Variants in MSRA observed in about 807,000 individuals in gnomAD.
MSRA encodes methionine sulfoxide reductase A.
Under a neutral mutation model 31.3 loss-of-function variants are expected in MSRA, and 54 were observed. The observed-to-expected ratio is 1.73, with a 90% CI of 1.39 to 2.17. The LOEUF (loss-of-function observed/expected upper bound fraction) is 2.17, where lower values mean the gene tolerates loss of function less well. MSRA is among the 30% of genes most tolerant of loss of function. MSRA has a pLI of 0.00. For synonymous variants in MSRA, 169 were observed against 116.5 expected (o/e 1.45, Z -2.90); for missense variants, 507 against 300.9 (o/e 1.69, Z -5.07).
intron 5 of MSRA, among the ~76,000 whole-genome samples, chr8:10,343,545 C>T (rs1285240207): frequency 3.9e-5 from 6 of 152,188 alleles, no homozygotes; most frequent in African/African-American, 1.4e-4. Context: ...TTGCAAACTG[C>T]GTTCCCCAAC....
intron 3 of MSRA, among the ~76,000 whole-genome samples, chr8:10,291,903 C>G (rs1216372394): frequency 2.6e-5 from 4 of 152,180 alleles, no homozygotes; most frequent in East Asian, 1.9e-4. Context: ...GACTCGGACT[C>G]TAGGCAGTTC....
intron 5 of MSRA, among the ~76,000 whole-genome samples, chr8:10,361,491 C>T (rs1267625659): frequency 6.6e-6 from 1 of 152,152 alleles, no homozygotes; most frequent in Admixed American, 6.5e-5. Flanking sequence ...TTGCATTCTC[C>T]CAGTACTATA....
At chr8:10,268,851 C>T (rs548172303) in intron 3 of MSRA, among the ~76,000 whole-genome samples, 4 of 152,370 alleles carry the variant, frequency 2.6e-5, no homozygotes, top group South Asian at 2.1e-4. Context: ...TCCTGTTATC[C>T]TCCTGGAATT....
intron 3 of MSRA, among the ~76,000 whole-genome samples, chr8:10,249,117 G>A (rs948385711): frequency 6.6e-6 from 1 of 152,108 alleles, no homozygotes; most frequent in Non-Finnish European, 1.5e-5. Context: ...TGATACCCTG[G>A]CACTTTTAAG....
chr8:10,380,210 C>G (rs908201386), intron 5 of MSRA, among the ~76,000 whole-genome samples: 1 of 152,232 alleles, frequency 6.6e-6, no homozygotes, highest in Non-Finnish European at 1.5e-5. Flanking sequence ...GCTGTTTCCT[C>G]TGCCTAAATG....
chr8:10,362,739 C>T (rs978982708), intron 5 of MSRA, among the ~76,000 whole-genome samples: 4 of 152,066 alleles, frequency 2.6e-5, no homozygotes, highest in Admixed American at 1.3e-4. Flanking sequence ...AAATCAAGCT[C>T]GAGCTGCCTG....
At chr8:10,295,311 C>T (rs1481509801) in intron 3 of MSRA, among the ~76,000 whole-genome samples, 1 of 152,110 alleles carries the variant, frequency 6.6e-6, no homozygotes, top group Non-Finnish European at 1.5e-5. Context: ...GCTGGGGGAC[C>T]GTCGCACTGC....
intron 1 of MSRA, among the ~76,000 whole-genome samples, chr8:10,148,141 A>G (rs1404431599): frequency 1.3e-5 from 2 of 152,204 alleles, no homozygotes; most frequent in Non-Finnish European, 2.9e-5. Flanking sequence ...GAAAGGAGAC[A>G]TCTTTTTAGA....
intron 5 of MSRA, among the ~76,000 whole-genome samples, chr8:10,341,639 A>T: frequency 1.3e-5 from 2 of 152,308 alleles, no homozygotes; most frequent in Admixed American, 1.3e-4. Context: ...GCATCAGACA[A>T]ACTTAGGTAC....
chr8:10,387,379 C>T (rs1438282386), intron 5 of MSRA, among the ~76,000 whole-genome samples: 3 of 152,150 alleles, frequency 2.0e-5, no homozygotes, highest in African/African-American at 4.8e-5. Flanking sequence ...CAGAAATCAA[C>T]AGGAGAAAAG....
chr8:10,219,468 G>C (rs747437265), intron 2 of MSRA, among the ~76,000 whole-genome samples: 1 of 151,918 alleles, frequency 6.6e-6, no homozygotes, highest in Non-Finnish European at 1.5e-5. Flanking sequence ...TTCTTTTTTG[G>C]AACAGTGTTG....
At chr8:10,112,651 T>C (rs531059409) in intron 1 of MSRA, among the ~76,000 whole-genome samples, 2 of 152,352 alleles carry the variant, frequency 1.3e-5, no homozygotes, top group South Asian at 2.1e-4. Context: ...GTAAAACTTA[T>C]ATTAGGGAAG....
chr8:10,346,975 T>G (rs1051148471), intron 5 of MSRA, among the ~76,000 whole-genome samples: 3 of 152,204 alleles, frequency 2.0e-5, no homozygotes, highest in African/African-American at 7.2e-5. Context: ...TTCCCCCAAC[T>G]GAAGGTGCTG....
At chr8:10,117,631 G>C (rs190715736) in intron 1 of MSRA, among the ~76,000 whole-genome samples, 1 of 152,332 alleles carries the variant, frequency 6.6e-6, no homozygotes, top group East Asian at 1.9e-4. Context: ...TCTGTAATTT[G>C]ATGGTACTGA....
chr8:10,082,609 T>C (rs937332873), intron 1 of MSRA, among the ~76,000 whole-genome samples: 3 of 152,180 alleles, frequency 2.0e-5, no homozygotes, highest in African/African-American at 7.2e-5. Context: ...GATGGGACTT[T>C]TTGAACACTG....
intron 5 of MSRA, among the ~76,000 whole-genome samples, chr8:10,393,745 G>A (rs1270268734): frequency 2.6e-5 from 4 of 152,204 alleles, no homozygotes. Context: ...GAGTCAGCAC[G>A]TGGTTGTTAT....
At chr8:10,259,567 C>G (rs1010808679) in intron 3 of MSRA, among the ~76,000 whole-genome samples, 10 of 152,144 alleles carry the variant, frequency 6.6e-5, no homozygotes, top group African/African-American at 2.4e-4. Flanking sequence ...CCTCCCTTTC[C>G]CCATTCCCAT....
intron 5 of MSRA, 51 bp from the exon 6 acceptor site, chr8:10,428,097 G>A (rs1312018148): frequency 6.3e-7 from 1 of 1,575,354 alleles, no homozygotes; most frequent in Non-Finnish European, 8.6e-7. Context: ...CCCCTCGCAG[G>A]TGCTGTCTCT....
In MSRA at chr8:10,348,745, G is replaced by A. The variant is rs114174019; in HGVS notation, c.543+28756G>A. ...TTTATCTCCTTACTCATTAAAACTC[G>A]GCAGTTACACGTCATACTGGAAAGA... On this transcript the variant is annotated intron_variant, in intron 5 of 5. Transcript: ENST00000317173. 2.2e-3 allele frequency among the ~76,000 whole-genome samples: 334 copies of A among 152,166 alleles called. 2 individuals are homozygous for A. The highest frequency in any genetic ancestry group is 6.6e-3 in the South Asian group (32 of 4,814).
Sources: allele counts gnomAD v4.1 joint callset (sites outside exome capture counted in the v4.1 genomes callset), GRCh38; gene constraint gnomAD v4.1.1; transcripts MANE v1.5; gene names NCBI Gene and HGNC (gene_info 2026-07-23, HGNC 2026-07-21).